Variants in CDC42BPA observed in about 807,000 individuals in gnomAD.
CDC42BPA encodes the protein serine/threonine-protein kinase MRCK alpha.
A neutral mutation model predicts 223.5 loss-of-function variants in CDC42BPA; 80 were observed. That is an observed-to-expected ratio of 0.36 (90% CI 0.30 to 0.43). The LOEUF (loss-of-function observed/expected upper bound fraction) is 0.43, where lower values mean the gene tolerates loss of function less well. Ranked by LOEUF, CDC42BPA falls within the 20% of genes least tolerant of loss-of-function variation. CDC42BPA has a pLI of 1.00. For synonymous variants in CDC42BPA, 694 were observed against 718.6 expected, an observed-to-expected ratio of 0.97 and a Z score of 0.55; for missense variants, 1,743 against 2,099.9, an observed-to-expected ratio of 0.83 and a Z score of 3.32.
intron 1 of CDC42BPA, among the ~76,000 whole-genome samples, chr1:227,263,637 A>G (rs1292873303): frequency 6.8e-6 from 1 of 148,032 alleles, no homozygotes. Context: ...GCTGCAGTGT[A>G]ATGGCATGAT....
Position 227,101,203 on chromosome 1 carries a change from T to C in CDC42BPA, c.2038A>G (p.Ile680Val), listed in dbSNP as rs140818561. ...QISYSPGVCS[I>V]EHQQEITKLK... ...TTGGTTATCTCTTGCTGATGTTCTA[T>C]GCTGCATACTCCTGGTGAGTAACTA... is the stretch of plus-strand genomic sequence containing the variant. The change falls in exon 15 of 37, where the codon ATA (isoleucine) becomes GTA (valine). Residue 680 changes from isoleucine (I) to valine (V), a missense_variant. Around this residue, in one of 6 missense-constraint regions of CDC42BPA, gnomAD observed 464 missense variants for 488.0 expected, o/e 0.95. Transcript: ENST00000366766. 2.5e-5 allele frequency: 40 copies of C among 1,601,904 alleles called. No homozygotes were observed. The highest frequency in any genetic ancestry group is 8.4e-5 in the Admixed American group (5 of 59,412).
chr1:227,297,346 A>G (rs1313098416), intron 1 of CDC42BPA, among the ~76,000 whole-genome samples: 1 of 152,192 alleles, frequency 6.6e-6, no homozygotes, highest in East Asian at 1.9e-4. Context: ...GGAATGTATG[A>G]CGGTACCACT....
Position 227,265,142 on chromosome 1 carries a change from T to C in CDC42BPA, c.179-10987A>G, listed in dbSNP as rs1684766309. 5.4e-6 allele frequency: 4 copies of C among 745,130 alleles called. No homozygotes were observed. In the Admixed American group the frequency reaches 5.4e-5, roughly 10 times the overall value. 46.2% of individuals were successfully genotyped at this position (745,130 alleles called of 1,614,324 possible). A position where few individuals can be genotyped will look rare whatever the true frequency, so the allele number is the denominator to read the frequency against. On this transcript the variant is annotated intron_variant, in intron 1 of 36. Coordinates refer to ENST00000366766, the MANE Select transcript of CDC42BPA (RefSeq NM_001394014.1). ...AACTTTAACATGCTGTGTACTAAGA[T>C]TCCAGCAACCACTTCCACAGTGGTA...
At chr1:227,114,116 A>G (rs2149401109) in intron 12 of CDC42BPA, among the ~76,000 whole-genome samples, 1 of 152,098 alleles carries the variant, frequency 6.6e-6, no homozygotes, top group East Asian at 1.9e-4. Context: ...AATCAAGAAA[A>G]AATTTAGAAA....
At position 227,101,239 on chromosome 1, in the gene CDC42BPA, G is replaced by A; in HGVS notation, c.2002C>T (p.Gln668Ter). The change falls in exon 15 of 37, where the codon CAA (glutamine) becomes TAA (stop). Residue 668 changes from glutamine to a stop codon, truncating the protein, a stop_gained and splice_region_variant. Transcript: ENST00000366766. LOFTEE classifies it high-confidence loss of function. ...CCTGGTGAGTAACTAATTTGTTTTT[G>A]CTATAGAAATAATAACAAAAGATTA... Reference protein sequence around the residue: ...QLENELEGLKQKQISYSPGVC... With the variant: ...QLENELEGLK 6.6e-7 allele frequency: 1 copy of A among 1,514,248 alleles called. No individual in the cohort carries two copies. Among genetic ancestry groups the A allele is most frequent in the Non-Finnish European group, 8.9e-7 (1 of 1,126,474 alleles). 93.8% of individuals were successfully genotyped at this position (1,514,248 alleles called of 1,614,324 possible).
chr1:227,298,434 C>T (rs1033450545), intron 1 of CDC42BPA, among the ~76,000 whole-genome samples: 1 of 151,944 alleles, frequency 6.6e-6, no homozygotes, highest in Admixed American at 6.6e-5. Context: ...TATAAACAAG[C>T]TAGTGTCATT....
chr1:227,297,591 A>G (rs1218399075), intron 1 of CDC42BPA, among the ~76,000 whole-genome samples: 1 of 152,234 alleles, frequency 6.6e-6, no homozygotes, highest in African/African-American at 2.4e-5. Context: ...ATACAATGGA[A>G]TATTATTCAG....
rs1311488091 is a variant in CDC42BPA, at chr1:227,253,642, ACATACATT to A, written c.270+414_270+421del. Among the ~76,000 whole-genome samples the A allele has an allele frequency of 7.9e-3, 916 of 116,080 alleles. 9 individuals are homozygous for A. The highest frequency in any genetic ancestry group is 0.027 in the African/African-American group (815 of 29,780). The allele number at this position is 116,080 out of a possible 152,430, so 76.2% of individuals were successfully genotyped here. A position where few individuals can be genotyped will look rare whatever the true frequency, so the allele number is the denominator to read the frequency against. ...TACATACATACATACATACATACAT[ACATACATT>A]CATACATAAAATAAAATACTATGAA... is the stretch of plus-strand genomic sequence containing the variant. On this transcript the variant is annotated intron_variant, in intron 2 of 36. Coordinates refer to ENST00000366766, the MANE Select transcript of CDC42BPA (RefSeq NM_001394014.1).
At chr1:227,280,240 T>C (rs1017684483) in intron 1 of CDC42BPA, among the ~76,000 whole-genome samples, 10 of 152,208 alleles carry the variant, frequency 6.6e-5, no homozygotes, top group Admixed American at 2.6e-4. Flanking sequence ...GGATAAGAAT[T>C]TTGCCACTGG....
chr1:227,178,685 G>A (rs1316863186), intron 5 of CDC42BPA, among the ~76,000 whole-genome samples: 1 of 152,116 alleles, frequency 6.6e-6, no homozygotes, highest in Non-Finnish European at 1.5e-5. Flanking sequence ...AGTAGAGACG[G>A]GGTTTCTCCA....
chr1:227,009,535 A>G (rs1664761366), intron 34 of CDC42BPA, among the ~76,000 whole-genome samples: 1 of 152,094 alleles, frequency 6.6e-6, no homozygotes, highest in Non-Finnish European at 1.5e-5. Context: ...CAGCCTCCCA[A>G]GTAGCTGGGA....
chr1:227,084,630 T>A (rs772824467), intron 16 of CDC42BPA, among the ~76,000 whole-genome samples: 31 of 152,174 alleles, frequency 2.0e-4, no homozygotes, highest in Non-Finnish European at 3.8e-4. Context: ...CTGCTATTTA[T>A]TACCACTCCT....
At chr1:227,064,226 C>T (rs1676517616) in intron 21 of CDC42BPA, among the ~76,000 whole-genome samples, 1 of 152,132 alleles carries the variant, frequency 6.6e-6, no homozygotes, top group South Asian at 2.1e-4. Flanking sequence ...AGTACATTCT[C>T]ATTTTCCAGG....
chr1:227,182,272 T>C (rs980644040), intron 5 of CDC42BPA, among the ~76,000 whole-genome samples: 2 of 152,180 alleles, frequency 1.3e-5, no homozygotes, highest in Non-Finnish European at 2.9e-5. Context: ...ACCCAAAAGT[T>C]TGAATTACAG....
At chr1:227,069,683 G>T in intron 21 of CDC42BPA, 94 bp downstream of exon 21, 1 of 792,152 alleles carries the variant, frequency 1.3e-6, no homozygotes, top group Non-Finnish European at 2.1e-6. Flanking sequence ...TCTGATGTGG[G>T]AAGCAATAAA....
intron 3 of CDC42BPA, among the ~76,000 whole-genome samples, chr1:227,209,077 TTG>T (rs1673384006): frequency 6.7e-6 from 1 of 149,242 alleles, no homozygotes; most frequent in Non-Finnish European, 1.5e-5. Flanking sequence ...TTCACATCCC[TTG>T]TAAGTTGGAT....
intron 10 of CDC42BPA, among the ~76,000 whole-genome samples, chr1:227,138,888 G>A (rs1409286092): frequency 6.6e-6 from 1 of 152,146 alleles, no homozygotes; most frequent in Non-Finnish European, 1.5e-5. Flanking sequence ...AACGAAAAAT[G>A]AGGGTATAAA....
Position 227,168,497 on chromosome 1 carries a change from G to GTTTTTTTTTTTTGTTTTTTTT in CDC42BPA, c.600-7862_600-7861insAAAAAAAACAAAAAAAAAAAA, listed in dbSNP as rs1553374261. On this transcript the variant is annotated intron_variant, in intron 5 of 36. Transcript: ENST00000366766. ...CTTTTTCATATTTATCTTCCCTGGT[G>GTTTTTTTTTTTTGTTTTTTTT]TTTTTTTTTTTTTTTTGAGGCAGAG... is the stretch of plus-strand genomic sequence containing the variant. Among the ~76,000 whole-genome samples the GTTTTTTTTTTTTGTTTTTTTT allele has an allele frequency of 3.5e-3, 284 of 80,190 alleles. 35 individuals carry two copies. Among genetic ancestry groups the GTTTTTTTTTTTTGTTTTTTTT allele is most frequent in the African/African-American group, 6.2e-3 (125 of 20,196 alleles). 52.6% of individuals were successfully genotyped at this position (80,190 alleles called of 152,430 possible).
At chr1:227,104,678 C>T (rs1003848477) in intron 14 of CDC42BPA, among the ~76,000 whole-genome samples, 3 of 152,048 alleles carry the variant, frequency 2.0e-5, no homozygotes, top group Non-Finnish European at 4.4e-5. Context: ...CGAATCAAAA[C>T]GGTAAGGCAC....
Sources: gnomAD v4.1 joint callset for allele counts (sites outside exome capture counted in the v4.1 genomes callset) on GRCh38, gnomAD v4.1.1 for gene constraint, gnomAD v4.1.1 regional missense constraint, MANE v1.5 for transcripts, NCBI Gene and HGNC (gene_info 2026-07-23, HGNC 2026-07-21) for gene names.